The following NRG3 variants were observed in gnomAD, a reference collection of about 807,000 sequenced individuals.
The protein encoded by NRG3 is neuregulin 3, also known as pro-neuregulin-3, membrane-bound isoform.
Under a neutral mutation model 66.9 loss-of-function variants are expected in NRG3, and 31 were observed. The observed-to-expected ratio is 0.46, with a 90% CI of 0.35 to 0.63. NRG3 has a LOEUF of 0.63. NRG3 is among the 20% of genes least tolerant of loss of function. NRG3 has a pLI of 0.00. For missense variants in NRG3, 910 were observed against 878.9 expected (o/e 1.04, Z -0.45); for synonymous variants, 393 against 359.4 (o/e 1.09, Z -1.06).
At chr10:82,502,832 TC>T (rs1387157843) in intron 2 of NRG3, among the ~76,000 whole-genome samples, 1 of 152,220 alleles carries the variant, frequency 6.6e-6, no homozygotes, top group Non-Finnish European at 1.5e-5. Flanking sequence ...AAACTACTTT[TC>T]CCTAGGATTT....
chr10:82,660,167 G>A (rs965734075), intron 2 of NRG3, among the ~76,000 whole-genome samples: 2 of 112,438 alleles, frequency 1.8e-5, no homozygotes, highest in Non-Finnish European at 3.3e-5. Context: ...TTGCACTCTA[G>A]TGTGGGCGAC....
intron 2 of NRG3, among the ~76,000 whole-genome samples, chr10:82,598,959 A>G (rs541940608): frequency 2.6e-5 from 4 of 152,296 alleles, no homozygotes; most frequent in South Asian, 2.1e-4. Context: ...CTGAGGCAGG[A>G]GAATTGCTTG....
intron 3 of NRG3, among the ~76,000 whole-genome samples, chr10:82,789,808 AC>A (rs1194737748): frequency 1.3e-5 from 2 of 150,952 alleles, no homozygotes; most frequent in East Asian, 1.9e-4. Flanking sequence ...ATATTAAAAT[AC>A]CATTTTAATT....
In NRG3 at chr10:82,364,055, T is replaced by C. The variant is rs569426412; in HGVS notation, c.953+5187T>C. ...TATTTCCTTCTTTCAACTTGGCAAA[T>C]TTTCTAACATCTCTATATTACACAT... On this transcript the variant is annotated intron_variant, in intron 2 of 8. Transcript: ENST00000372141. 1.1e-4 allele frequency among the ~76,000 whole-genome samples: 16 copies of C among 152,208 alleles called. No individual in the cohort carries two copies. In the South Asian group the frequency reaches 3.1e-3, roughly 30 times the overall value.
intron 1 of NRG3, among the ~76,000 whole-genome samples, chr10:82,074,402 C>T (rs374495528): frequency 1.3e-5 from 2 of 152,104 alleles, no homozygotes; most frequent in East Asian, 3.9e-4. Flanking sequence ...GATCAGAACT[C>T]ATTGGATTGT....
intron 4 of NRG3, among the ~76,000 whole-genome samples, chr10:82,870,239 G>C (rs922960306): frequency 6.6e-6 from 1 of 152,048 alleles, no homozygotes; most frequent in Non-Finnish European, 1.5e-5. Flanking sequence ...AATACCTTTT[G>C]TACTGGCTTA....
intron 2 of NRG3, among the ~76,000 whole-genome samples, chr10:82,667,923 C>CA (rs564967057): frequency 1.3e-5 from 2 of 152,138 alleles, no homozygotes; most frequent in South Asian, 4.1e-4. Context: ...GACAACATTC[C>CA]AAAATTTTTG....
intron 1 of NRG3, among the ~76,000 whole-genome samples, chr10:82,074,454 A>G (rs1478799183): frequency 6.6e-6 from 1 of 152,222 alleles, no homozygotes; most frequent in African/African-American, 2.4e-5. Flanking sequence ...TATTTAAAAT[A>G]TAATTTTGGT....
intron 4 of NRG3, among the ~76,000 whole-genome samples, chr10:82,943,639 G>A (rs1443639096): frequency 5.3e-5 from 8 of 152,090 alleles, no homozygotes; most frequent in African/African-American, 1.9e-4. Flanking sequence ...CCAGAAGATG[G>A]GATGGTGCCT....
At chr10:82,054,647 C>A (rs2133169119) in intron 1 of NRG3, among the ~76,000 whole-genome samples, 1 of 152,022 alleles carries the variant, frequency 6.6e-6, no homozygotes, top group African/African-American at 2.4e-5. Flanking sequence ...TATTTAGAGG[C>A]TGGAGAAGTG....
At chr10:82,139,115 A>G (rs2069583730) in intron 1 of NRG3, among the ~76,000 whole-genome samples, 2 of 152,142 alleles carry the variant, frequency 1.3e-5, no homozygotes. Flanking sequence ...CCAAGGTGAA[A>G]TGGACATTTA....
chr10:82,369,148 A>C (rs1443198121), intron 2 of NRG3, among the ~76,000 whole-genome samples: 1 of 122,292 alleles, frequency 8.2e-6, no homozygotes, highest in Admixed American at 7.5e-5. Flanking sequence ...TTTTATGCGT[A>C]AACCAAAATG....
chr10:82,064,545 T>G (rs796670123), intron 1 of NRG3, among the ~76,000 whole-genome samples: 21 of 152,236 alleles, frequency 1.4e-4, no homozygotes, highest in African/African-American at 4.8e-4. Flanking sequence ...TCAATAGATT[T>G]GAGTAGCTAA....
chr10:81,979,008 A>G (rs373725962), intron 1 of NRG3, among the ~76,000 whole-genome samples: 63 of 152,046 alleles, frequency 4.1e-4, no homozygotes, highest in Middle Eastern at 6.8e-3. Context: ...GGCCAACATG[A>G]TGAAACCCCG....
chr10:82,978,861 T>G, intron 7 of NRG3, 89 bp from the exon 8 acceptor site: 4 of 1,341,028 alleles, frequency 3.0e-6, no homozygotes, highest in Non-Finnish European at 4.1e-6. Flanking sequence ...GCAGATTCAG[T>G]GTTTGCAAAG....
chr10:82,400,818 TGCTGCCTCAG>T (rs779930773), intron 2 of NRG3, among the ~76,000 whole-genome samples: 17 of 152,264 alleles, frequency 1.1e-4, no homozygotes, highest in Non-Finnish European at 2.5e-4. Flanking sequence ...CAAGCCATCC[TGCTGCCTCAG>T]GCTGCCAAAG....
intron 3 of NRG3, among the ~76,000 whole-genome samples, chr10:82,858,904 A>G (rs1020813517): frequency 1.3e-5 from 2 of 151,370 alleles, no homozygotes; most frequent in Non-Finnish European, 2.9e-5. Flanking sequence ...GGATTCTTGC[A>G]GCAGAGAAGC....
At chr10:82,451,792 A>G (rs1007345611) in intron 2 of NRG3, among the ~76,000 whole-genome samples, 9 of 152,172 alleles carry the variant, frequency 5.9e-5, no homozygotes, top group Non-Finnish European at 8.8e-5. Context: ...AAACATTTTG[A>G]AAGTCTGCCC....
intron 3 of NRG3, among the ~76,000 whole-genome samples, chr10:82,742,803 C>T (rs1488103162): frequency 6.6e-6 from 1 of 152,130 alleles, no homozygotes. Context: ...CCTTACTACC[C>T]ATTCCCACCC....
Sources: gnomAD v4.1 joint callset for allele counts (sites outside exome capture counted in the v4.1 genomes callset) on GRCh38, gnomAD v4.1.1 for gene constraint, MANE v1.5 for transcripts, NCBI Gene and HGNC (gene_info 2026-07-23, HGNC 2026-07-21) for gene names.